ZBBX: variants seen among roughly 807,000 people sequenced by gnomAD.
ZBBX encodes zinc finger B-box domain containing.
A neutral mutation model predicts 108.5 loss-of-function variants in ZBBX; 101 were observed. The ratio of observed to expected loss-of-function variants is 0.93; its 90% CI spans 0.79 to 1.10. The LOEUF is 1.10. Ranked by LOEUF, ZBBX falls within the 50% of genes least tolerant of loss-of-function variation. The probability of loss-of-function intolerance (pLI) is 0.00; values close to 1 mark genes in which losing one functional copy is unlikely to be tolerated. For missense variants in ZBBX, 1,009 were observed against 941.4 expected (o/e 1.07, Z -0.94); for synonymous variants, 356 against 323.4 (o/e 1.10, Z -1.08).
At chr3:167,199,108 G>C in the ZBBX span, among the ~76,000 whole-genome samples, 1 of 152,194 alleles carries the variant, frequency 6.6e-6, no homozygotes, top group African/African-American at 2.4e-5. Flanking sequence ...GGGGAAGTGA[G>C]ATAGAGAAGC....
chr3:167,282,277 T>C lies in ZBBX; in HGVS notation c.2215A>G (p.Asn739Asp). ...DDTTDQHTLD[N>D]LEKELQVLRS... ...AGCACTTGTAATTCTTTTTCCAAAT[T>C]GTCTAAAGTATGTTGATCAGTAGTG... Residue 739 changes from asparagine to aspartate, a missense_variant, in exon 20 of 22, where the codon AAT becomes GAT. Physicochemically the swap from Asn to Asp is conservative, Grantham distance 23. Transcript: ENST00000675490. The C allele has an allele frequency of 1.2e-6, 2 of 1,612,428 alleles. No individual in the cohort carries two copies. Among genetic ancestry groups the C allele is most frequent in the Non-Finnish European group, 1.7e-6 (2 of 1,179,406 alleles).
chr3:167,220,449 G>A, the ZBBX span, among the ~76,000 whole-genome samples: 2 of 152,048 alleles, frequency 1.3e-5, no homozygotes, highest in African/African-American at 2.4e-5. Context: ...ATTCATCAAT[G>A]TGATACATCA....
At chr3:167,221,532 G>GACTT in the ZBBX span, among the ~76,000 whole-genome samples, 1 of 151,784 alleles carries the variant, frequency 6.6e-6, no homozygotes, top group Non-Finnish European at 1.5e-5. Context: ...ATGAAATAAA[G>GACTT]ACTTAAATCT....
chr3:167,327,138 TAA>T (rs547596997), intron 11 of ZBBX, among the ~76,000 whole-genome samples: 3 of 115,230 alleles, frequency 2.6e-5, no homozygotes. Context: ...AGCGAAATTA[TAA>T]AAAAAAAAAA....
chr3:167,277,637 C>T (rs1335610126), intron 20 of ZBBX, among the ~76,000 whole-genome samples: 4 of 152,092 alleles, frequency 2.6e-5, no homozygotes, highest in Non-Finnish European at 5.9e-5. Flanking sequence ...TAGACTCCCA[C>T]ACATTAATAA....
chr3:167,346,872 G>T (rs1741555123), intron 9 of ZBBX, among the ~76,000 whole-genome samples: 1 of 151,716 alleles, frequency 6.6e-6, no homozygotes, highest in South Asian at 2.1e-4. Context: ...GAAGTGAAAG[G>T]TTAAACAGAG....
intron 1 of ZBBX, among the ~76,000 whole-genome samples, chr3:167,406,045 C>T (rs1049838083): frequency 6.6e-6 from 1 of 152,078 alleles, no homozygotes. Context: ...GCCTGGGTTG[C>T]AAGGGCAAGA....
intron 20 of ZBBX, among the ~76,000 whole-genome samples, chr3:167,278,735 C>T (rs1354741882): frequency 1.5e-4 from 22 of 151,040 alleles, no homozygotes; most frequent in Admixed American, 1.5e-3. Flanking sequence ...AGGGAATCCT[C>T]CCTAACTCAT....
intron 20 of ZBBX, among the ~76,000 whole-genome samples, chr3:167,276,642 A>G (rs551479137): frequency 8.6e-4 from 131 of 152,358 alleles, no homozygotes; most frequent in Admixed American, 9.8e-4. Context: ...AGTGACGGGG[A>G]GAACGGAACC....
chr3:167,348,373 A>AAAAG (rs1742048083), intron 9 of ZBBX, among the ~76,000 whole-genome samples: 1 of 139,534 alleles, frequency 7.2e-6, no homozygotes, highest in Non-Finnish European at 1.6e-5. Context: ...AGAAAGAAAA[A>AAAAG]AAAGAAAAGA....
intron 18 of ZBBX, among the ~76,000 whole-genome samples, chr3:167,294,804 A>C (rs531907376): frequency 4.6e-5 from 7 of 152,166 alleles, no homozygotes; most frequent in South Asian, 4.2e-4. Flanking sequence ...CATTGGACAA[A>C]GGGCTAATAT....
chr3:167,315,390 A>C (rs1310179183), intron 15 of ZBBX, among the ~76,000 whole-genome samples: 1 of 152,142 alleles, frequency 6.6e-6, no homozygotes, highest in Non-Finnish European at 1.5e-5. Flanking sequence ...GGTTCATAGA[A>C]AACTGAACAA....
At chr3:167,180,300 G>T in the ZBBX span, among the ~76,000 whole-genome samples, 1 of 152,190 alleles carries the variant, frequency 6.6e-6, no homozygotes, top group African/African-American at 2.4e-5. Flanking sequence ...GACTACTCAT[G>T]GCATAAGTAG....
chr3:167,322,310 T>A, intron 11 of ZBBX, 73 bp from the exon 12 acceptor site: 1 of 1,267,678 alleles, frequency 7.9e-7, no homozygotes, highest in Non-Finnish European at 1.0e-6. Context: ...TCTTAAGATG[T>A]AGAACTCATC....
intron 10 of ZBBX, among the ~76,000 whole-genome samples, chr3:167,329,933 T>C (rs13082560): frequency 0.84 from 127,966 of 152,234 alleles, 54,058 homozygotes; most frequent in African/African-American, 0.94. Context: ...CCCACATTGA[T>C]CAACATTACA....
At chr3:167,364,584 T>C (rs113603841) in intron 6 of ZBBX, among the ~76,000 whole-genome samples, 3,317 of 152,006 alleles carry the variant, frequency 0.022, 51 homozygotes, top group Middle Eastern at 0.051. Flanking sequence ...AGTTATTTCA[T>C]CTGTGAAACT....
intron 13 of ZBBX, 135 bp from the exon 14 acceptor site, chr3:167,317,240 C>T: frequency 3.0e-6 from 2 of 672,718 alleles, no homozygotes; most frequent in Non-Finnish European, 2.4e-6. Context: ...TGTCAATTTT[C>T]CCAGTTCAAG....
At chr3:167,320,995 G>A (rs1736348074) in intron 12 of ZBBX, among the ~76,000 whole-genome samples, 1 of 151,998 alleles carries the variant, frequency 6.6e-6, no homozygotes, top group African/African-American at 2.4e-5. Context: ...AAGGATAATA[G>A]TGAAAATGCT....
chr3:167,352,835 TA>T (rs1356516484), intron 8 of ZBBX, among the ~76,000 whole-genome samples: 6 of 151,440 alleles, frequency 4.0e-5, no homozygotes, highest in African/African-American at 1.2e-4. Context: ...TGCAAACCAA[TA>T]AATGTGATTT....
Sources: allele counts gnomAD v4.1 joint callset (sites outside exome capture counted in the v4.1 genomes callset), GRCh38; gene constraint gnomAD v4.1.1; transcripts MANE v1.5; gene names NCBI Gene and HGNC (gene_info 2026-07-23, HGNC 2026-07-21).